The following SCRN1 variants were observed in gnomAD, a reference collection of about 807,000 sequenced individuals.
The protein encoded by SCRN1 is secernin-1.
Under a neutral mutation model 43.3 loss-of-function variants are expected in SCRN1, and 19 were observed. That is an observed-to-expected ratio of 0.44 (90% CI 0.31 to 0.64). SCRN1 has a LOEUF of 0.64. SCRN1 is among the 30% of genes least tolerant of loss of function. The pLI is 0.09. For missense variants in SCRN1, 447 were observed against 524.1 expected, an observed-to-expected ratio of 0.85 and a Z score of 1.44; for synonymous variants, 183 against 188.9, an observed-to-expected ratio of 0.97 and a Z score of 0.26.
In SCRN1 at chr7:29,922,381, G is replaced by A. The variant is rs1285273738; in HGVS notation, c.*1576C>T. 1 of 152,256 alleles carries A rather than the reference G, an allele frequency of 6.6e-6. No homozygotes were observed. The highest frequency in any genetic ancestry group is 1.9e-4 in the East Asian group (1 of 5,182). 9.4% of individuals were successfully genotyped at this position (152,256 alleles called of 1,614,324 possible). A position where few individuals can be genotyped will look rare whatever the true frequency, so the allele number is the denominator to read the frequency against. The stretch of plus-strand genomic sequence containing the variant: ...GTTCACATCCATGTAACAGGGCTCG[G>A]TCCCCTCAAAATCTCATGATACAGC... On this transcript the variant is annotated 3_prime_UTR_variant, in exon 8 of 8. Transcript: ENST00000242059.
At chr7:29,939,708 T>A (rs964427729) in intron 5 of SCRN1, among the ~76,000 whole-genome samples, 7 of 152,216 alleles carry the variant, frequency 4.6e-5, no homozygotes, top group Non-Finnish European at 1.0e-4. Flanking sequence ...CTGTCCTAAA[T>A]GATCCAAAAC....
At chr7:29,971,667 G>A (rs1788670044) in intron 1 of SCRN1, among the ~76,000 whole-genome samples, 1 of 150,512 alleles carries the variant, frequency 6.6e-6, no homozygotes, top group African/African-American at 2.4e-5. Flanking sequence ...TTTGGGTTTT[G>A]ACTGTTAAAA....
In SCRN1 at chr7:29,921,090, C is replaced by T. The variant is rs1786739919; in HGVS notation, c.*2867G>A. The T allele has an allele frequency of 6.6e-6, 1 of 152,636 alleles. No homozygotes were observed. Among genetic ancestry groups the T allele is most frequent in the Admixed American group, 6.5e-5 (1 of 15,280 alleles). 9.5% of individuals were successfully genotyped at this position (152,636 alleles called of 1,614,324 possible). A position where few individuals can be genotyped will look rare whatever the true frequency, so the allele number is the denominator to read the frequency against. On this transcript the variant is annotated 3_prime_UTR_variant, in exon 8 of 8. Transcript: ENST00000242059. ...AGTAAATCCCATCTATTAGACAAGACTAGCTAGCTTATGTTTGGTTATGGG... is the reference window on the plus strand; with the variant it reads ...AGTAAATCCCATCTATTAGACAAGATTAGCTAGCTTATGTTTGGTTATGGG...
Position 29,921,789 on chromosome 7 carries a change from CTTTG to C in SCRN1, c.*2164_*2167del, listed in dbSNP as rs958165653. On this transcript the variant is annotated 3_prime_UTR_variant, in exon 8 of 8. Coordinates refer to ENST00000242059, the MANE Select transcript of SCRN1 (RefSeq NM_014766.5). ...TAAAGCGGGTAGGGTTATCCATGGC[CTTTG>C]TTTGGCCCATAGAAATGAAAGGAGG... 2 of 152,176 alleles carry C rather than the reference CTTTG, an allele frequency of 1.3e-5. No homozygotes were observed. Among genetic ancestry groups the C allele is most frequent in the Non-Finnish European group, 2.9e-5 (2 of 68,030 alleles). 9.4% of individuals were successfully genotyped at this position (152,176 alleles called of 1,614,324 possible). A position where few individuals can be genotyped will look rare whatever the true frequency, so the allele number is the denominator to read the frequency against.
chr7:29,936,871 C>T, intron 5 of SCRN1, 150 bp from the exon 6 acceptor site: 1 of 461,062 alleles, frequency 2.2e-6, no homozygotes, highest in Non-Finnish European at 3.5e-6. Flanking sequence ...ACGGTGAAAC[C>T]CCGTCTGTAC....
chr7:29,968,780 AG>A, intron 2 of SCRN1, 128 bp downstream of exon 2: 2 of 1,142,054 alleles, frequency 1.8e-6, no homozygotes, highest in Non-Finnish European at 2.5e-6. Flanking sequence ...GCATGGAAAC[AG>A]GAATCAGCAG....
chr7:29,979,925 A>G (rs534408604), intron 1 of SCRN1, among the ~76,000 whole-genome samples: 3 of 152,352 alleles, frequency 2.0e-5, no homozygotes, highest in Admixed American at 6.5e-5. Context: ...CTTCTTTCAT[A>G]GAAATATAAA....
intron 6 of SCRN1, among the ~76,000 whole-genome samples, chr7:29,927,105 A>G (rs1476394937): frequency 6.6e-6 from 1 of 151,634 alleles, no homozygotes; most frequent in African/African-American, 2.4e-5. Flanking sequence ...TGAAAAATCT[A>G]TGGAATATCT....
intron 6 of SCRN1, among the ~76,000 whole-genome samples, chr7:29,934,929 G>A (rs111474828): frequency 0.033 from 5,051 of 152,294 alleles, 108 homozygotes; most frequent in African/African-American, 0.064. Context: ...TGGTCATGTG[G>A]TTTCATGACT....
chr7:29,947,343 C>T (rs1388877700), intron 3 of SCRN1: 1 of 1,549,374 alleles, frequency 6.5e-7, no homozygotes, highest in Admixed American at 2.0e-5. Flanking sequence ...ATGGGTCACA[C>T]CTGTACTTCT....
chr7:29,976,089 AT>A (rs966206714), intron 1 of SCRN1, among the ~76,000 whole-genome samples: 36 of 152,302 alleles, frequency 2.4e-4, no homozygotes, highest in Admixed American at 1.6e-3. Flanking sequence ...GTATAAAAAA[AT>A]ATCTGCTACT....
At chr7:29,948,200 G>A (rs1004800827) in intron 3 of SCRN1, among the ~76,000 whole-genome samples, 1 of 152,160 alleles carries the variant, frequency 6.6e-6, no homozygotes, top group African/African-American at 2.4e-5. Context: ...ATAGAGGAGT[G>A]GCCTCTCTGA....
chr7:29,989,772 G>C lies in SCRN1; in HGVS notation c.-132C>G, dbSNP rs1789303910. The C allele has an allele frequency of 1.0e-6, 1 of 986,468 alleles. No individual in the cohort carries two copies. The allele number at this position is 986,468 out of a possible 1,614,324, so 61.1% of individuals were successfully genotyped here. A position where few individuals can be genotyped will look rare whatever the true frequency, so the allele number is the denominator to read the frequency against. ...GGCTGCAGCTGCAGTGGCGGAGGCG[G>C]CCGCCGGGCGCTTCCCCCTACCCAG... On this transcript the variant is annotated 5_prime_UTR_variant, in exon 1 of 8. Transcript: ENST00000242059.
intron 6 of SCRN1, among the ~76,000 whole-genome samples, chr7:29,930,474 C>T (rs1335259614): frequency 6.6e-6 from 1 of 152,220 alleles, no homozygotes; most frequent in Non-Finnish European, 1.5e-5. Flanking sequence ...TTCTTAAATG[C>T]TACTTGAATG....
intron 2 of SCRN1, among the ~76,000 whole-genome samples, chr7:29,967,796 C>T (rs996566819): frequency 6.6e-6 from 1 of 152,024 alleles, no homozygotes; most frequent in Admixed American, 6.6e-5. Context: ...TACCTGAAAA[C>T]CCCAAGAAAA....
At position 29,923,792 on chromosome 7, in the gene SCRN1, C is replaced by T. The variant is rs1786848802; in HGVS notation, c.*165G>A. The T allele has an allele frequency of 5.5e-6, 4 of 731,332 alleles. No individual in the cohort carries two copies. Among genetic ancestry groups the T allele is most frequent in the Non-Finnish European group, 9.2e-6 (4 of 436,436 alleles). 45.3% of individuals were successfully genotyped at this position (731,332 alleles called of 1,614,324 possible). A position where few individuals can be genotyped will look rare whatever the true frequency, so the allele number is the denominator to read the frequency against. ...GAGACCTACATTGCAGAAGGGGACG[C>T]TGTGAGATTCAAGGTGGAACACAAG... On this transcript the variant is annotated 3_prime_UTR_variant, in exon 8 of 8. Transcript: ENST00000242059.
At chr7:29,955,512 T>C (rs2128094044) in intron 2 of SCRN1, 152 bp from the exon 3 acceptor site, 1 of 710,630 alleles carries the variant, frequency 1.4e-6, no homozygotes, top group Non-Finnish European at 2.3e-6. Flanking sequence ...GTCTTCACAA[T>C]GCAGCTCAAA....
At chr7:29,988,093 T>A (rs188834727) in intron 1 of SCRN1, among the ~76,000 whole-genome samples, 3 of 152,318 alleles carry the variant, frequency 2.0e-5, no homozygotes, top group Admixed American at 2.0e-4. Context: ...AATTTCCCAT[T>A]TCCTCATGCC....
In SCRN1 at chr7:29,921,914, G is replaced by A. The variant is rs1786772705; in HGVS notation, c.*2043C>T. On this transcript the variant is annotated 3_prime_UTR_variant, in exon 8 of 8. Transcript: ENST00000242059. ...GTCAGGTCTGATGAGACATTTCATA[G>A]TAGGCGAAGGTGAAATCACTCAGTG... 6.6e-6 allele frequency: 1 copy of A among 152,176 alleles called. No individual in the cohort carries two copies. Among genetic ancestry groups the A allele is most frequent in the Non-Finnish European group, 1.5e-5 (1 of 68,034 alleles). The allele number at this position is 152,176 out of a possible 1,614,324, so 9.4% of individuals were successfully genotyped here. A position where few individuals can be genotyped will look rare whatever the true frequency, so the allele number is the denominator to read the frequency against.
Sources: gnomAD v4.1 joint callset for allele counts (sites outside exome capture counted in the v4.1 genomes callset) on GRCh38, gnomAD v4.1.1 for gene constraint, MANE v1.5 for transcripts, NCBI Gene and HGNC (gene_info 2026-07-23, HGNC 2026-07-21) for gene names.